The following DACH2 variants were observed in gnomAD, a reference collection of about 807,000 sequenced individuals.
DACH2 encodes the protein dachshund homolog 2.
DACH2 carries 17 observed loss-of-function variants against 35.8 expected under a neutral mutation model. The observed-to-expected ratio is 0.48, with a 90% CI of 0.33 to 0.71. DACH2 has a LOEUF of 0.71. Ranked by LOEUF, DACH2 falls within the 30% of genes least tolerant of loss-of-function variation. The pLI, the probability that DACH2 is intolerant of heterozygous loss-of-function variation, is 0.02. For synonymous variants in DACH2, 195 were observed against 177.3 expected (o/e 1.10, Z -0.79); for missense variants, 469 against 472.7 (o/e 0.99, Z 0.07).
chrX:86,434,926 G>A (rs779676995), intron 2 of DACH2, among the ~76,000 whole-genome samples: 1 of 110,838 alleles, frequency 9.0e-6, no homozygotes, highest in South Asian at 3.8e-4. Flanking sequence ...GAACGTGAGA[G>A]AGATTGGGGT....
At chrX:86,594,036 C>A (rs1199551525) in intron 3 of DACH2, among the ~76,000 whole-genome samples, 2 of 111,098 alleles carry the variant, frequency 1.8e-5, no homozygotes, top group Non-Finnish European at 3.8e-5. Context: ...TAAATATGAT[C>A]CTCATCAGAT....
chrX:86,239,681 C>A (rs2033126011), intron 1 of DACH2, among the ~76,000 whole-genome samples: 1 of 111,785 alleles, frequency 8.9e-6, no homozygotes, highest in Admixed American at 9.5e-5. Flanking sequence ...GCCTTTGTAT[C>A]TTTTGGTACA....
intron 7 of DACH2, among the ~76,000 whole-genome samples, chrX:86,784,144 TAAAA>T (rs1278713028): frequency 9.7e-6 from 1 of 103,374 alleles, no homozygotes; most frequent in Admixed American, 1.0e-4. Flanking sequence ...AGATAAAAAT[TAAAA>T]AAAAAACTAA....
chrX:86,357,189 A>G (rs896674653), intron 1 of DACH2, among the ~76,000 whole-genome samples: 4 of 112,434 alleles, frequency 3.6e-5, no homozygotes, highest in African/African-American at 1.3e-4. Context: ...ACAACCAACT[A>G]TGCAAGCTTA....
chrX:86,682,035 A>G (rs1229079149), intron 4 of DACH2, among the ~76,000 whole-genome samples: 1 of 111,277 alleles, frequency 9.0e-6, no homozygotes, highest in Non-Finnish European at 1.9e-5. Context: ...TTTTAAAAAG[A>G]CTTCACTTTA....
intron 2 of DACH2, among the ~76,000 whole-genome samples, chrX:86,511,021 C>G (rs750179524): frequency 2.7e-5 from 3 of 111,766 alleles, no homozygotes; most frequent in Non-Finnish European, 5.7e-5. Flanking sequence ...TCAACCTATG[C>G]CGATTAAATT....
chrX:86,239,932 T>A (rs1322774937), intron 1 of DACH2, among the ~76,000 whole-genome samples: 1 of 111,928 alleles, frequency 8.9e-6, no homozygotes, highest in Admixed American at 9.5e-5. Context: ...TGTGTCTGCA[T>A]GGAGGATTTT....
intron 2 of DACH2, among the ~76,000 whole-genome samples, chrX:86,418,130 A>C (rs1360050543): frequency 6.2e-5 from 7 of 112,130 alleles, no homozygotes; most frequent in Non-Finnish European, 9.4e-5. Context: ...GGACAGCTCC[A>C]CCCCTGTGGC....
intron 5 of DACH2, among the ~76,000 whole-genome samples, chrX:86,701,200 T>C (rs1470254147): frequency 9.0e-6 from 1 of 111,595 alleles, no homozygotes; most frequent in Non-Finnish European, 1.9e-5. Context: ...TCCAAGACTG[T>C]TTCAATATAT....
At chrX:86,508,359 G>T (rs1301209912) in intron 2 of DACH2, among the ~76,000 whole-genome samples, 1 of 110,277 alleles carries the variant, frequency 9.1e-6, no homozygotes, top group Non-Finnish European at 1.9e-5. Flanking sequence ...AGGAGTTTGA[G>T]ACCAGCCTGA....
intron 7 of DACH2, among the ~76,000 whole-genome samples, chrX:86,809,464 A>G (rs1308540799): frequency 1.8e-5 from 2 of 109,912 alleles, no homozygotes; most frequent in Non-Finnish European, 3.8e-5. Flanking sequence ...ATTGAAATTG[A>G]TTTCCAGTTC....
At chrX:86,453,732 G>A (rs1389762363) in intron 2 of DACH2, among the ~76,000 whole-genome samples, 2 of 111,570 alleles carry the variant, frequency 1.8e-5, no homozygotes, top group East Asian at 5.6e-4. Flanking sequence ...GTATCTTGAA[G>A]ATAGCATACC....
At chrX:86,702,548 A>G (rs2041156270) in intron 5 of DACH2, among the ~76,000 whole-genome samples, 1 of 111,994 alleles carries the variant, frequency 8.9e-6, no homozygotes, top group African/African-American at 3.2e-5. Flanking sequence ...CAAGAAAAGA[A>G]GAGAGATGAT....
At chrX:86,617,540 T>C (rs1045138626) in intron 3 of DACH2, among the ~76,000 whole-genome samples, 2 of 111,947 alleles carry the variant, frequency 1.8e-5, no homozygotes, top group Non-Finnish European at 3.8e-5. Flanking sequence ...ATGTAACTGG[T>C]TACTGTTTCT....
At chrX:86,438,755 A>G (rs2037111650) in intron 2 of DACH2, among the ~76,000 whole-genome samples, 1 of 112,243 alleles carries the variant, frequency 8.9e-6, no homozygotes, top group Non-Finnish European at 1.9e-5. Flanking sequence ...TTCTGTGTCT[A>G]GGTTTTTGAG....
chrX:86,450,251 T>A (rs1163114739), intron 2 of DACH2, among the ~76,000 whole-genome samples: 1 of 110,773 alleles, frequency 9.0e-6, no homozygotes, highest in Non-Finnish European at 1.9e-5. Context: ...CAGGCCCCAG[T>A]GTATGTTGTT....
intron 1 of DACH2, among the ~76,000 whole-genome samples, chrX:86,160,053 C>CA (rs975852156): frequency 7.9e-5 from 8 of 100,968 alleles, no homozygotes; most frequent in Non-Finnish European, 1.6e-4. Flanking sequence ...AAAAAAAAAA[C>CA]AAAAAAAACA....
chrX:86,769,403 C>T (rs2041965607), intron 7 of DACH2, among the ~76,000 whole-genome samples: 1 of 112,228 alleles, frequency 8.9e-6, no homozygotes, highest in East Asian at 2.8e-4. Flanking sequence ...CTCTATCAAA[C>T]TACCACTGTC....
chrX:86,345,469 G>T (rs2035480605), intron 1 of DACH2: 4 of 277,613 alleles, frequency 1.4e-5, no homozygotes, highest in Non-Finnish European at 2.7e-5. Context: ...AGAAAAGATG[G>T]AGGGAGAGAG....
Sources: allele counts gnomAD v4.1 joint callset (sites outside exome capture counted in the v4.1 genomes callset), GRCh38; gene constraint gnomAD v4.1.1; transcripts MANE v1.5; gene names NCBI Gene and HGNC (gene_info 2026-07-23, HGNC 2026-07-21).